Variants in ZFR2 observed in about 807,000 individuals in gnomAD.
ZFR2 encodes zinc finger RNA binding protein 2.
Under a neutral mutation model 105.7 loss-of-function variants are expected in ZFR2, and 104 were observed. The ratio of observed to expected loss-of-function variants is 0.98; its 90% CI spans 0.84 to 1.16. ZFR2 has a LOEUF of 1.16. Among genes scored for constraint, ZFR2 ranks in the 50% most tolerant of loss-of-function variants. The pLI is 0.00. For missense variants in ZFR2, 1,425 were observed against 1,355.5 expected, an observed-to-expected ratio of 1.05 and a Z score of -0.80; for synonymous variants, 634 against 597.7, an observed-to-expected ratio of 1.06 and a Z score of -0.89.
chr19:3,827,766 C>A, intron 5 of ZFR2, 113 bp from the exon 6 acceptor site: 2 of 1,194,632 alleles, frequency 1.7e-6, no homozygotes, highest in Non-Finnish European at 1.2e-6. Context: ...CAGAGGCCCG[C>A]TGTCCCCAAC....
At chr19:3,850,765 C>CA (rs34466100) in intron 1 of ZFR2, among the ~76,000 whole-genome samples, 2 of 151,532 alleles carry the variant, frequency 1.3e-5, no homozygotes, top group Admixed American at 1.3e-4. Flanking sequence ...CAAACACACA[C>CA]AAAAAAACCA....
intron 15 of ZFR2, 85 bp from the exon 16 acceptor site, chr19:3,810,930 C>T: frequency 7.0e-7 from 1 of 1,435,908 alleles, no homozygotes; most frequent in Non-Finnish European, 9.5e-7. Context: ...AGCGTGAACC[C>T]CAGGGAGGAT....
chr19:3,815,344 C>T (rs973772906), intron 13 of ZFR2, among the ~76,000 whole-genome samples: 2 of 152,204 alleles, frequency 1.3e-5, no homozygotes, highest in Non-Finnish European at 2.9e-5. Flanking sequence ...CCTGCCTTGG[C>T]CTCCCAAAGT....
intron 9 of ZFR2, among the ~76,000 whole-genome samples, 184 bp downstream of exon 9, chr19:3,821,897 C>T (rs1568421320): frequency 6.6e-6 from 1 of 152,180 alleles, no homozygotes; most frequent in African/African-American, 2.4e-5. Flanking sequence ...ACGTGAGACA[C>T]CGCGCCCGGC....
chr19:3,820,423 A>G (rs2037877744), intron 10 of ZFR2, 133 bp from the exon 11 acceptor site: 5 of 837,692 alleles, frequency 6.0e-6, no homozygotes, highest in Non-Finnish European at 9.0e-6. Flanking sequence ...GCTCCACTGC[A>G]CTGCATGGGT....
Position 3,823,160 on chromosome 19 carries a change from G to C in ZFR2, c.1371+86C>G. On this transcript the variant is annotated intron_variant, in intron 8 of 18. Transcript: ENST00000262961. The surrounding 1 kb of genome is among the most constrained non-coding windows in gnomAD (Gnocchi z 5.4). ...GGGGATGGGTCTGTAAATCTCGCTGGGAGAAGCCGGGTGAGGTCTCGAAGC... is the reference window on the plus strand; with the variant it reads ...GGGGATGGGTCTGTAAATCTCGCTGCGAGAAGCCGGGTGAGGTCTCGAAGC... 6.3e-7 allele frequency: 1 copy of C among 1,584,856 alleles called. No individual in the cohort carries two copies. The highest frequency in any genetic ancestry group is 8.6e-7 in the Non-Finnish European group (1 of 1,161,004).
At chr19:3,819,300 C>CGGGCAGGTGGGCAGGT (rs3216956) in intron 11 of ZFR2, 65 bp from the exon 12 acceptor site, 2 of 1,399,676 alleles carry the variant, frequency 1.4e-6, no homozygotes, top group Admixed American at 3.1e-5. Flanking sequence ...GCTGGGCAGG[C>CGGGCAGGTGGGCAGGT]GGGCAGGTGG....
At chr19:3,837,475 A>G (rs12983585) in intron 1 of ZFR2, among the ~76,000 whole-genome samples, 123,447 of 150,436 alleles carry the variant, frequency 0.82, 51,195 homozygotes, top group East Asian at 0.98. Context: ...TGGGACACTC[A>G]AACACCATGA....
intron 5 of ZFR2, 82 bp downstream of exon 5, chr19:3,831,221 C>T: frequency 1.4e-6 from 2 of 1,431,180 alleles, no homozygotes; most frequent in Non-Finnish European, 1.8e-6. Flanking sequence ...ACCCTGACCA[C>T]CCCACCGGCG....
Position 3,816,827 on chromosome 19 carries a change from A to T in ZFR2, c.1950T>A (p.Thr650=), listed in dbSNP as rs2037829947. The T allele has an allele frequency of 6.4e-7, 1 of 1,569,050 alleles. No homozygotes were observed. The highest frequency in any genetic ancestry group is 1.2e-5 in the South Asian group (1 of 85,616). The change falls in exon 13 of 19, where the codon ACT becomes ACA. Residue 650 remains threonine (T), a synonymous_variant. Coordinates refer to ENST00000262961, the MANE Select transcript of ZFR2 (RefSeq NM_015174.2). ...GDKRSSVAPQ[T]RVLKGVMRVG... ...CTCGCATGACGCCTTTCAGGACCCG[A>T]GTCTGGGGGGCAACGCTGCTGTGGG... is the stretch of plus-strand genomic sequence containing the variant.
At position 3,827,444 on chromosome 19, in the gene ZFR2, C is replaced by A. The variant is rs1300323850; in HGVS notation, c.1035+27G>T. On this transcript the variant is annotated intron_variant, in intron 6 of 18. Coordinates refer to ENST00000262961, the MANE Select transcript of ZFR2 (RefSeq NM_015174.2). Reference sequence around the variant, plus strand: ...CCTGGGGGCCTTCTCCCCAGGGTGGCAGAGCCTGGGCCGGGCGGGGCCGTA... The same window carrying A: ...CCTGGGGGCCTTCTCCCCAGGGTGGAAGAGCCTGGGCCGGGCGGGGCCGTA... The A allele has an allele frequency of 2.0e-6, 3 of 1,503,586 alleles. No individual in the cohort carries two copies. The East Asian group carries it at 7.5e-5, about 38-fold the overall frequency. The allele number at this position is 1,503,586 out of a possible 1,614,324, so 93.1% of individuals were successfully genotyped here. A position where few individuals can be genotyped will look rare whatever the true frequency, so the allele number is the denominator to read the frequency against.
At chr19:3,867,749 C>T (rs1353875114) in intron 1 of ZFR2, among the ~76,000 whole-genome samples, 3 of 152,096 alleles carry the variant, frequency 2.0e-5, no homozygotes, top group Non-Finnish European at 2.9e-5. Context: ...CGCCAAGTCT[C>T]TGTCCCCCTT....
At position 3,807,173 on chromosome 19, in the gene ZFR2, T is replaced by G. The variant is rs747903561; in HGVS notation, c.2642A>C (p.Gln881Pro). 1.3e-6 allele frequency: 2 copies of G among 1,552,572 alleles called. No individual in the cohort carries two copies. Among genetic ancestry groups the G allele is most frequent in the Non-Finnish European group, 1.7e-6 (2 of 1,147,470 alleles). Residue 881 changes from glutamine (Q) to proline (P), a missense_variant and splice_region_variant, in exon 18 of 19, where the codon CAG (glutamine) becomes CCG (proline). Transcript: ENST00000262961. ...QEREDVTASA[Q>P]HALRMLAFRQ... ...CTTGCCGTGACTTGACCCTCCTACCTGGGCGCTGGCGGTCACGTCTTCCCG... is the reference window on the plus strand; with the variant it reads ...CTTGCCGTGACTTGACCCTCCTACCGGGGCGCTGGCGGTCACGTCTTCCCG...
rs2038095415 is a variant in ZFR2 at position 3,838,015 on chromosome 19, TGATGAACACCGTGACTGTGACACAC to T, written c.54-3057_54-3033del. 3.4e-5 allele frequency among the ~76,000 whole-genome samples: 5 copies of T among 148,918 alleles called. No homozygotes were observed. The highest frequency in any genetic ancestry group is 1.2e-4 in the African/African-American group (5 of 40,234). On this transcript the variant is annotated intron_variant, in intron 1 of 18. Transcript: ENST00000262961. This position sits in a 1 kb window ranked among gnomAD's most constrained non-coding sequence, Gnocchi z 4.9. Reference sequence around the variant, plus strand: ...ACACGATGAATGTGACTGTGACACTTGATGAACACCGTGACTGTGACACACGATGAACACCATGACCGTGACACGT... The same window carrying T: ...ACACGATGAATGTGACTGTGACACTTGATGAACACCATGACCGTGACACGT...
At chr19:3,827,799 A>G (rs1184882214) in intron 5 of ZFR2, 146 bp from the exon 6 acceptor site, 4 of 856,956 alleles carry the variant, frequency 4.7e-6, no homozygotes, top group African/African-American at 1.8e-5. Context: ...GGTGCCATGG[A>G]GGTTCCAGTG....
At chr19:3,816,904 T>A in intron 12 of ZFR2, 59 bp from the exon 13 acceptor site, 1 of 1,472,220 alleles carries the variant, frequency 6.8e-7, no homozygotes, top group Non-Finnish European at 9.2e-7. Context: ...GTACCCCAGC[T>A]GCCTCCCTCC....
intron 14 of ZFR2, among the ~76,000 whole-genome samples, chr19:3,812,398 A>G (rs1444025076): frequency 6.6e-6 from 1 of 152,092 alleles, no homozygotes; most frequent in Non-Finnish European, 1.5e-5. Context: ...GAGTTTTAGA[A>G]GCTCACCTCC....
At chr19:3,814,039 G>C (rs2037800190) in intron 13 of ZFR2, 81 bp from the exon 14 acceptor site, 3 of 1,570,156 alleles carry the variant, frequency 1.9e-6, no homozygotes, top group Admixed American at 3.8e-5. Flanking sequence ...TGGTTGGTGT[G>C]TGTAAATTAA....
chr19:3,829,293 T>C (rs1270715107), intron 5 of ZFR2, among the ~76,000 whole-genome samples: 1 of 145,612 alleles, frequency 6.9e-6, no homozygotes, highest in African/African-American at 2.8e-5. Flanking sequence ...CTCATAAATA[T>C]ATTACCTAAG....
Sources: gnomAD v4.1 joint callset for allele counts (sites outside exome capture counted in the v4.1 genomes callset) on GRCh38, gnomAD v4.1.1 for gene constraint, Gnocchi (gnomAD v3.1) non-coding constraint, MANE v1.5 for transcripts, NCBI Gene and HGNC (gene_info 2026-07-23, HGNC 2026-07-21) for gene names.